The following PSMA4 variants were observed in gnomAD, a reference collection of about 807,000 sequenced individuals.
PSMA4 encodes the protein proteasome 20S subunit alpha 4.
Under a neutral mutation model 37.2 loss-of-function variants are expected in PSMA4, and 8 were observed. The observed-to-expected ratio is 0.22, with a 90% CI of 0.13 to 0.39. The LOEUF (loss-of-function observed/expected upper bound fraction) is 0.39, where lower values mean the gene tolerates loss of function less well. Ranked by LOEUF, PSMA4 falls within the 10% of genes least tolerant of loss-of-function variation. The pLI, the probability that PSMA4 is intolerant of heterozygous loss-of-function variation, is 1.00. For synonymous variants in PSMA4, 93 were observed against 98.8 expected (o/e 0.94, Z 0.35); for missense variants, 169 against 305.1 (o/e 0.55, Z 3.32).
chr15:78,544,079 G>C, intron 4 of PSMA4, 111 bp from the exon 5 acceptor site: 1 of 739,570 alleles, frequency 1.4e-6, no homozygotes, highest in Non-Finnish European at 2.2e-6. Context: ...AGTAGCTGTT[G>C]TGAAGCAAAC....
chr15:78,542,756 G>A, intron 4 of PSMA4, 111 bp downstream of exon 4: 2 of 1,110,654 alleles, frequency 1.8e-6, no homozygotes, highest in Non-Finnish European at 1.3e-6. Flanking sequence ...TTGAAATTGT[G>A]CCTTTATTTT....
chr15:78,544,998 A>G (rs1319429761), intron 6 of PSMA4, 41 bp downstream of exon 6: 1 of 1,434,792 alleles, frequency 7.0e-7, no homozygotes, highest in South Asian at 1.2e-5. Flanking sequence ...AAAAGTTAAG[A>G]CATTTTATGA....
chr15:78,544,858 C>G lies in PSMA4; in HGVS notation c.288-11C>G, dbSNP rs752974699. On this transcript the variant is annotated splice_polypyrimidine_tract_variant and intron_variant, in intron 5 of 8. Coordinates refer to ENST00000044462, the MANE Select transcript of PSMA4 (RefSeq NM_002789.6). Reference sequence around the variant, plus strand: ...GAGAAAACTACTAATGTGCCCATCTCTTTATCCTAGGTATTTATTACAGTA... The same window carrying G: ...GAGAAAACTACTAATGTGCCCATCTGTTTATCCTAGGTATTTATTACAGTA... 2.5e-6 allele frequency: 4 copies of G among 1,578,424 alleles called. No homozygotes were observed. The South Asian group carries it at 3.4e-5, about 13-fold the overall frequency.
intron 2 of PSMA4, 81 bp downstream of exon 2, chr15:78,542,011 A>G: frequency 6.6e-7 from 1 of 1,524,952 alleles, no homozygotes. Flanking sequence ...GAGTGGGAAA[A>G]TTGAAATAGA....
In PSMA4 at chr15:78,543,573, T is replaced by TG. The variant is rs1555413129; in HGVS notation, c.210-617_210-616insG. 7.4e-4 allele frequency among the ~76,000 whole-genome samples: 59 copies of TG among 80,058 alleles called. 1 individual carries two copies. Among genetic ancestry groups the TG allele is most frequent in the African/African-American group, 1.4e-3 (30 of 22,032 alleles). The allele number at this position is 80,058 out of a possible 152,430, so 52.5% of individuals were successfully genotyped here. A position where few individuals can be genotyped will look rare whatever the true frequency, so the allele number is the denominator to read the frequency against. On this transcript the variant is annotated intron_variant, in intron 4 of 8. Transcript: ENST00000044462. ...CAGTCTGTCTAGCAAAATCTTTTTTTTTTTTTTTTTTTTGAGACAGATTCT... is the reference window on the plus strand; with the variant it reads ...CAGTCTGTCTAGCAAAATCTTTTTTTGTTTTTTTTTTTTTGAGACAGATTCT...
At chr15:78,542,287 A>G in intron 3 of PSMA4, 68 bp downstream of exon 3, 1 of 1,510,076 alleles carries the variant, frequency 6.6e-7, no homozygotes, top group Non-Finnish European at 9.0e-7. Context: ...AGAAAAAAAA[A>G]TTACAAACTT....
rs913457755 is a variant in PSMA4 at position 78,550,161 on chromosome 15, A to G, written c.*1217A>G. The G allele has an allele frequency of 6.6e-6, 1 of 152,224 alleles. No individual in the cohort carries two copies. Among genetic ancestry groups the G allele is most frequent in the African/African-American group, 2.4e-5 (1 of 41,450 alleles). The allele number at this position is 152,224 out of a possible 1,614,324, so 9.4% of individuals were successfully genotyped here. ...AACTAACAAAATACTGAACTCTTGCACCTAGAGAAAGTACTGGGTTAGGGT... is the reference window on the plus strand; with the variant it reads ...AACTAACAAAATACTGAACTCTTGCGCCTAGAGAAAGTACTGGGTTAGGGT... On this transcript the variant is annotated 3_prime_UTR_variant, in exon 9 of 9. Transcript: ENST00000044462.
Position 78,547,120 on chromosome 15 carries a change from C to T in PSMA4, c.631+422C>T, listed in dbSNP as rs564563537. ...CTAGTTCATTGAAACAGCAACCTTACGAATTAGGTGATGTTATCCCTGTCT... is the reference window on the plus strand; with the variant it reads ...CTAGTTCATTGAAACAGCAACCTTATGAATTAGGTGATGTTATCCCTGTCT... On this transcript the variant is annotated intron_variant, in intron 8 of 8. Coordinates refer to ENST00000044462, the MANE Select transcript of PSMA4 (RefSeq NM_002789.6). 6.6e-5 allele frequency among the ~76,000 whole-genome samples: 10 copies of T among 152,274 alleles called. No individual in the cohort carries two copies. The East Asian group carries it at 1.9e-3, about 29-fold the overall frequency.
At chr15:78,545,876 G>A in intron 7 of PSMA4, 112 bp downstream of exon 7, 1 of 1,158,864 alleles carries the variant, frequency 8.6e-7, no homozygotes, top group Non-Finnish European at 1.2e-6. Context: ...CAACCTTAAT[G>A]TGATATGGAA....
rs559702422 is a variant in PSMA4, at chr15:78,548,427, A to T, written c.632-363A>T. 6.6e-5 allele frequency among the ~76,000 whole-genome samples: 10 copies of T among 152,202 alleles called. No individual in the cohort carries two copies. In the East Asian group the frequency reaches 1.9e-3, roughly 29 times the overall value. ...TTTTTAAGAGACTTGAAAAGTCCATAAAAAATAAGCTGTTATTACCAGTTG... is the reference window on the plus strand; with the variant it reads ...TTTTTAAGAGACTTGAAAAGTCCATTAAAAATAAGCTGTTATTACCAGTTG... On this transcript the variant is annotated intron_variant, in intron 8 of 8. Coordinates refer to ENST00000044462, the MANE Select transcript of PSMA4 (RefSeq NM_002789.6).
In PSMA4 at chr15:78,548,952, G is replaced by A. The variant is rs779995474; in HGVS notation, c.*8G>A. ...AAAGAAAAGGATAAATAGAATCAGA[G>A]ATTTTATTACTCATTTGGGGCACCA... On this transcript the variant is annotated 3_prime_UTR_variant, in exon 9 of 9. Coordinates refer to ENST00000044462, the MANE Select transcript of PSMA4 (RefSeq NM_002789.6). The A allele has an allele frequency of 1.2e-5, 19 of 1,599,306 alleles. No individual in the cohort carries two copies. The African/African-American group carries it at 2.4e-4, about 21-fold the overall frequency.
chr15:78,545,900 C>G, intron 7 of PSMA4, 136 bp downstream of exon 7: 1 of 972,494 alleles, frequency 1.0e-6, no homozygotes, highest in South Asian at 1.6e-5. Flanking sequence ...TCTGTGATTT[C>G]TGTTGGTGAC....
Position 78,544,883 on chromosome 15 carries a change from A to C in PSMA4, c.302A>C (p.Tyr101Ser). Residue 101 changes from tyrosine (Y) to serine (S), a missense_variant, in exon 6 of 9, where the codon TAT (tyrosine) becomes TCT (serine). This residue lies in a region of PSMA4 where 79 missense variants were observed against 212.4 expected (regional missense o/e 0.37). Coordinates refer to ENST00000044462, the MANE Select transcript of PSMA4 (RefSeq NM_002789.6). ...CTTTATCCTAGGTATTTATTACAGT[A>C]TCAGGAGCCAATACCTTGTGAGCAG... ...RLIAQRYLLQ[Y>S]QEPIPCEQLV... The C allele has an allele frequency of 6.2e-7, 1 of 1,607,478 alleles. No individual in the cohort carries two copies. The highest frequency in any genetic ancestry group is 1.1e-5 in the South Asian group (1 of 90,762).
At position 78,542,631 on chromosome 15, in the gene PSMA4, T is replaced by G. The variant is rs2052475623; in HGVS notation, c.195T>G (p.Ile65Met). The change falls in exon 4 of 9, where the codon ATT (isoleucine) becomes ATG (methionine). Residue 65 changes from isoleucine to methionine, a missense_variant. Ile to Met is a conservative substitution (Grantham distance 10). This residue lies in a region of PSMA4 where 79 missense variants were observed against 212.4 expected (regional missense o/e 0.37). Coordinates refer to ENST00000044462, the MANE Select transcript of PSMA4 (RefSeq NM_002789.6). The part of the protein sequence containing the change: ...LLDEVFFSEK[I>M]YKLNEDMACS... The stretch of plus-strand genomic sequence containing the variant: ...ATGAAGTCTTTTTTTCTGAAAAAAT[T>G]TATAAACTCAATGAGTAAGTGAGAT... 1 of 1,606,906 alleles carries G rather than the reference T, an allele frequency of 6.2e-7. No individual in the cohort carries two copies.
intron 3 of PSMA4, 128 bp downstream of exon 3, chr15:78,542,347 A>G (rs2292117): frequency 0.61 from 838,173 of 1,375,646 alleles, 260,989 homozygotes; most frequent in East Asian, 0.87. Flanking sequence ...AGCAATTATC[A>G]TCACCAGGTT....
intron 8 of PSMA4, 36 bp from the exon 9 acceptor site, chr15:78,548,754 C>G (rs754898280): frequency 3.8e-6 from 6 of 1,584,064 alleles, no homozygotes; most frequent in Non-Finnish European, 5.1e-6. Flanking sequence ...TGCCTGCCTG[C>G]CTGCAATACA....
At chr15:78,543,351 G>A (rs1363310886) in intron 4 of PSMA4, among the ~76,000 whole-genome samples, 2 of 152,064 alleles carry the variant, frequency 1.3e-5, no homozygotes, top group Admixed American at 1.3e-4. Context: ...TGGCAGGCTT[G>A]GCTAGGCGTA....
At chr15:78,540,805 A>G (rs1180541347) in intron 1 of PSMA4, 7 of 152,072 alleles carry the variant, frequency 4.6e-5, no homozygotes, top group African/African-American at 1.2e-4. Flanking sequence ...CAGGACCGAG[A>G]GTTGGGGTGG....
Position 78,542,564 on chromosome 15 carries a change from T to C in PSMA4, c.128T>C (p.Val43Ala). ...TCLGILANDG[V>A]LLAAERRNIH... ...TTGGGAATTTTAGCAAATGATGGTG[T>C]TTTGCTTGCAGCAGAGAGACGCAAC... Residue 43 changes from valine (V) to alanine (A), a missense_variant, in exon 4 of 9, where the codon GTT (valine) becomes GCT (alanine). By Grantham distance (64) the Val-to-Ala change is moderately conservative. Coordinates refer to ENST00000044462, the MANE Select transcript of PSMA4 (RefSeq NM_002789.6). The C allele has an allele frequency of 6.2e-7, 1 of 1,614,172 alleles. No individual in the cohort carries two copies. The highest frequency in any genetic ancestry group is 8.5e-7 in the Non-Finnish European group (1 of 1,180,034).
Sources: gnomAD v4.1 joint callset for allele counts (sites outside exome capture counted in the v4.1 genomes callset) on GRCh38, gnomAD v4.1.1 for gene constraint, gnomAD v4.1.1 regional missense constraint, MANE v1.5 for transcripts, NCBI Gene and HGNC (gene_info 2026-07-23, HGNC 2026-07-21) for gene names.